Variants in TXNRD1 observed in about 807,000 individuals in gnomAD.
The protein encoded by TXNRD1 is thioredoxin reductase 1, cytoplasmic.
A neutral mutation model predicts 80.3 loss-of-function variants in TXNRD1; 57 were observed. That is an observed-to-expected ratio of 0.71 (90% CI 0.57 to 0.89). TXNRD1 has a LOEUF of 0.89. TXNRD1 is among the 40% of genes least tolerant of loss of function. TXNRD1 has a pLI of 0.00. For missense variants in TXNRD1, 730 were observed against 803.0 expected (o/e 0.91, Z 1.10); for synonymous variants, 291 against 285.2 (o/e 1.02, Z -0.20).
intron 1 of TXNRD1, among the ~76,000 whole-genome samples, chr12:104,230,515 AGTG>A (rs1467383122): frequency 6.6e-6 from 1 of 152,142 alleles, no homozygotes; most frequent in Non-Finnish European, 1.5e-5. Flanking sequence ...TAGCCATCCT[AGTG>A]GTGTGAAGTG....
intron 4 of TXNRD1, among the ~76,000 whole-genome samples, chr12:104,290,658 C>T (rs1420752507): frequency 7.1e-6 from 1 of 140,740 alleles, no homozygotes; most frequent in Non-Finnish European, 1.5e-5. Flanking sequence ...GAGATTGCGC[C>T]ACTGCACCCT....
At chr12:104,318,678 G>C (rs1451033245) in intron 7 of TXNRD1, among the ~76,000 whole-genome samples, 1 of 152,166 alleles carries the variant, frequency 6.6e-6, no homozygotes, top group East Asian at 1.9e-4. Flanking sequence ...TTTGTGTATT[G>C]TTATTTTAGT....
chr12:104,224,458 G>A (rs774101037), intron 1 of TXNRD1, among the ~76,000 whole-genome samples: 1 of 151,980 alleles, frequency 6.6e-6, no homozygotes, highest in Non-Finnish European at 1.5e-5. Context: ...GCGCAATCTC[G>A]GCTCACTGCA....
At chr12:104,345,004 C>CATATTCTGTGGGGAATGTG (rs979627046) in intron 16 of TXNRD1, among the ~76,000 whole-genome samples, 2 of 152,208 alleles carry the variant, frequency 1.3e-5, no homozygotes, top group Non-Finnish European at 2.9e-5. Flanking sequence ...ATCGTCCAGA[C>CATATTCTGTGGGGAATGTG]ATATTCTGTG....
At chr12:104,293,652 T>C (rs2034309452) in intron 4 of TXNRD1, among the ~76,000 whole-genome samples, 1 of 152,154 alleles carries the variant, frequency 6.6e-6, no homozygotes, top group African/African-American at 2.4e-5. Flanking sequence ...GGTTTCACCA[T>C]GTTGTCCAGT....
At chr12:104,274,684 G>A (rs1422342402) in intron 3 of TXNRD1, among the ~76,000 whole-genome samples, 2 of 150,638 alleles carry the variant, frequency 1.3e-5, no homozygotes, top group African/African-American at 2.4e-5. Flanking sequence ...GGGTAACAGA[G>A]TGAGACTCCA....
rs777759118 is a variant in TXNRD1 at position 104,304,871 on chromosome 12, G to A, written c.415-6419G>A. The A allele has an allele frequency of 2.5e-6, 4 of 1,613,026 alleles. No homozygotes were observed. In the Admixed American group the frequency reaches 6.7e-5, roughly 27 times the overall value. The stretch of plus-strand genomic sequence containing the variant: ...GGGAGTTATATCTTTGACTTTACAG[G>A]AGTGGAAAAACATTGTGGCAGCTTT... On this transcript the variant is annotated intron_variant, in intron 4 of 16. Transcript: ENST00000525566.
intron 1 of TXNRD1, among the ~76,000 whole-genome samples, chr12:104,228,224 C>T (rs1053261018): frequency 1.2e-4 from 18 of 149,398 alleles, no homozygotes; most frequent in African/African-American, 4.0e-4. Flanking sequence ...ATCACCTGAA[C>T]CCAGAAGGCG....
chr12:104,291,775 C>T (rs562464404), intron 4 of TXNRD1, among the ~76,000 whole-genome samples: 2 of 152,288 alleles, frequency 1.3e-5, no homozygotes, highest in East Asian at 1.9e-4. Flanking sequence ...AGCCACCGGG[C>T]CCAGCCCTAT....
chr12:104,316,569 T>G (rs2035335427), intron 7 of TXNRD1, among the ~76,000 whole-genome samples: 1 of 152,010 alleles, frequency 6.6e-6, no homozygotes, highest in Non-Finnish European at 1.5e-5. Context: ...TTTTGCATTT[T>G]TAGTAGAGGT....
chr12:104,332,414 G>A (rs2035981718), intron 14 of TXNRD1, among the ~76,000 whole-genome samples: 1 of 151,868 alleles, frequency 6.6e-6, no homozygotes, highest in African/African-American at 2.4e-5. Context: ...TAATATGTTG[G>A]TCTATTAGTA....
chr12:104,277,670 C>T (rs2135731458), intron 3 of TXNRD1, among the ~76,000 whole-genome samples: 1 of 152,178 alleles, frequency 6.6e-6, no homozygotes, highest in South Asian at 2.1e-4. Context: ...GGATGATTTT[C>T]CTTGTTTGTT....
chr12:104,222,042 G>C (rs1265189194), intron 1 of TXNRD1, among the ~76,000 whole-genome samples: 1 of 152,096 alleles, frequency 6.6e-6, no homozygotes, highest in African/African-American at 2.4e-5. Flanking sequence ...GGCCAGACCT[G>C]CTTTTTTTCA....
At chr12:104,338,968 G>A (rs1357796004) in intron 15 of TXNRD1, among the ~76,000 whole-genome samples, 171 bp from the exon 16 acceptor site, 1 of 151,944 alleles carries the variant, frequency 6.6e-6, no homozygotes, top group East Asian at 1.9e-4. Context: ...CACCTGCCTC[G>A]GCCTCCCAAA....
intron 4 of TXNRD1, chr12:104,304,050 G>C (rs1449333393): frequency 6.2e-7 from 1 of 1,613,594 alleles, no homozygotes; most frequent in Non-Finnish European, 8.5e-7. Context: ...AAGTGCCGCA[G>C]CATCCGCAGG....
At chr12:104,235,470 G>A (rs2032719307) in intron 1 of TXNRD1, among the ~76,000 whole-genome samples, 1 of 152,162 alleles carries the variant, frequency 6.6e-6, no homozygotes. Flanking sequence ...AGAACTCACT[G>A]TTTCCAGCAA....
At position 104,258,021 on chromosome 12, in the gene TXNRD1, A is replaced by G; in HGVS notation, c.246A>G (p.Val82=). 1.9e-6 allele frequency: 3 copies of G among 1,546,720 alleles called. No individual in the cohort carries two copies. The highest frequency in any genetic ancestry group is 2.6e-6 in the Non-Finnish European group (3 of 1,144,602). ...SRSTCTRCTE[V]KKLFKSLCVP... ...CCTTGTTTTTCAACTTCTTCCAGGT[A>G]AAGAAGTTATTTAAATCTCTGTGTG... Residue 82 remains valine (V), a splice_region_variant and synonymous_variant, in exon 3 of 17, where the codon GTA becomes GTG. Coordinates refer to ENST00000525566, the MANE Select transcript of TXNRD1 (RefSeq NM_001093771.3).
At chr12:104,344,988 G>GT (rs1277357820) in intron 16 of TXNRD1, among the ~76,000 whole-genome samples, 1 of 152,226 alleles carries the variant, frequency 6.6e-6, no homozygotes, top group Non-Finnish European at 1.5e-5. Flanking sequence ...TGGACCCACT[G>GT]TTTTTATCGT....
intron 13 of TXNRD1, among the ~76,000 whole-genome samples, chr12:104,328,809 T>C (rs1363102620): frequency 1.3e-5 from 2 of 151,004 alleles, no homozygotes; most frequent in Non-Finnish European, 3.0e-5. Flanking sequence ...ATGTTGAATA[T>C]GTTAAATGTT....
Sources: gnomAD v4.1 joint callset for allele counts (sites outside exome capture counted in the v4.1 genomes callset) on GRCh38, gnomAD v4.1.1 for gene constraint, MANE v1.5 for transcripts, NCBI Gene and HGNC (gene_info 2026-07-23, HGNC 2026-07-21) for gene names.